Variants in ELAPOR1 observed in about 807,000 individuals in gnomAD.
ELAPOR1 encodes endosome-lysosome associated apoptosis and autophagy regulator 1.
ELAPOR1 carries 77 observed loss-of-function variants against 119.7 expected under a neutral mutation model. The observed-to-expected ratio is 0.64, with a 90% CI of 0.54 to 0.78. ELAPOR1 has a LOEUF of 0.78. Among genes scored for constraint, ELAPOR1 ranks in the 30% least tolerant of loss-of-function variants. The pLI is 0.00. For missense variants in ELAPOR1, 1,115 were observed against 1,270.4 expected, an observed-to-expected ratio of 0.88 and a Z score of 1.86; for synonymous variants, 481 against 487.2, an observed-to-expected ratio of 0.99 and a Z score of 0.17.
chr1:109,156,509 C>A (rs999446614), intron 1 of ELAPOR1, among the ~76,000 whole-genome samples: 2 of 150,286 alleles, frequency 1.3e-5, no homozygotes, highest in African/African-American at 5.0e-5. Context: ...CCTCTAGCCC[C>A]TGACAGACAC....
chr1:109,189,221 C>T (rs1653270391), intron 10 of ELAPOR1, 27 bp downstream of exon 10: 3 of 1,608,070 alleles, frequency 1.9e-6, no homozygotes, highest in Non-Finnish European at 1.7e-6. Context: ...GTGCCATGAG[C>T]TGTCAGCTCC....
rs1649668853 is a variant in ELAPOR1, at chr1:109,139,076, C to T, written c.154-22818C>T. On this transcript the variant is annotated intron_variant, in intron 1 of 21. Coordinates refer to ENST00000369939, the MANE Select transcript of ELAPOR1 (RefSeq NM_020775.5). ...CTACTAAAGTTACCTCGTGGCTGGG[C>T]GCGGTGGCTCATGACTGTAATCCCA... is the stretch of plus-strand genomic sequence containing the variant. 2.0e-5 allele frequency among the ~76,000 whole-genome samples: 3 copies of T among 152,044 alleles called. No homozygotes were observed. In the South Asian group the frequency reaches 6.2e-4, roughly 32 times the overall value.
rs1393509469 is a variant in ELAPOR1 at position 109,150,078 on chromosome 1, T to C, written c.154-11816T>C. On this transcript the variant is annotated intron_variant, in intron 1 of 21. Coordinates refer to ENST00000369939, the MANE Select transcript of ELAPOR1 (RefSeq NM_020775.5). ...TTTCCAAGAACCCTCATGCCAAGGT[T>C]CAGCCTAAAATAGACAGGCAGCTTA... Among the ~76,000 whole-genome samples, 6 of 152,196 alleles carry C rather than the reference T, an allele frequency of 3.9e-5. No individual in the cohort carries two copies. In the East Asian group the frequency reaches 1.2e-3, roughly 29 times the overall value.
intron 7 of ELAPOR1, among the ~76,000 whole-genome samples, chr1:109,179,480 T>TTATCTTCTTACAGTTTTGCCCA (rs1652566988): frequency 6.6e-6 from 1 of 151,600 alleles, no homozygotes; most frequent in African/African-American, 2.4e-5. Flanking sequence ...TAATTCAGCT[T>TTATCTTCTTACAGTTTTGCCCA]GGCTGGAGAT....
At chr1:109,155,474 G>A (rs911062999) in intron 1 of ELAPOR1, among the ~76,000 whole-genome samples, 4 of 152,172 alleles carry the variant, frequency 2.6e-5, no homozygotes, top group Non-Finnish European at 4.4e-5. Flanking sequence ...CACCAAGCCC[G>A]GCCGTGAACA....
Position 109,173,911 on chromosome 1 carries a change from T to G in ELAPOR1, c.952+74T>G, listed in dbSNP as rs77785116. 15,153 of 1,517,544 alleles carry G rather than the reference T, an allele frequency of 1.0e-2. 96 individuals are homozygous for G. The highest frequency in any genetic ancestry group is 0.011 in the Non-Finnish European group (12,732 of 1,107,574). 94.0% of individuals were successfully genotyped at this position (1,517,544 alleles called of 1,614,324 possible). On this transcript the variant is annotated intron_variant, in intron 7 of 21. Coordinates refer to ENST00000369939, the MANE Select transcript of ELAPOR1 (RefSeq NM_020775.5). ...AAACACACAAGGAGATACCAGGGAA[T>G]AGAGCCATCCTTCTGGCCAAGCTGA...
At chr1:109,135,226 A>G (rs1168259270) in intron 1 of ELAPOR1, among the ~76,000 whole-genome samples, 2 of 151,746 alleles carry the variant, frequency 1.3e-5, no homozygotes, top group African/African-American at 4.8e-5. Flanking sequence ...TCAGTGAGAG[A>G]GGCCTAAGAA....
At chr1:109,119,205 T>TA (rs1321472491) in intron 1 of ELAPOR1, among the ~76,000 whole-genome samples, 3 of 150,956 alleles carry the variant, frequency 2.0e-5, no homozygotes, top group African/African-American at 7.3e-5. Flanking sequence ...CCTAATTTTT[T>TA]TTTTTTTTTG....
chr1:109,204,311 CA>C lies in ELAPOR1; in HGVS notation c.*1301del, dbSNP rs1177547573. The C allele has an allele frequency of 6.6e-6, 1 of 152,236 alleles. No individual in the cohort carries two copies. Among genetic ancestry groups the C allele is most frequent in the African/African-American group, 2.4e-5 (1 of 41,464 alleles). 9.4% of individuals were successfully genotyped at this position (152,236 alleles called of 1,614,324 possible). ...ACTGAAGCCAAAGGAATAAGTTCAT[CA>C]AGAAAATGCCCAAAGCCCTGGTGGA... is the stretch of plus-strand genomic sequence containing the variant. On this transcript the variant is annotated 3_prime_UTR_variant, in exon 22 of 22. Transcript: ENST00000369939.
Position 109,161,651 on chromosome 1 carries a change from A to G in ELAPOR1, c.154-243A>G, listed in dbSNP as rs896616229. 17 of 356,674 alleles carry G rather than the reference A, an allele frequency of 4.8e-5. No individual in the cohort carries two copies. In the Admixed American group the frequency reaches 5.1e-4, roughly 11 times the overall value. 22.1% of individuals were successfully genotyped at this position (356,674 alleles called of 1,614,324 possible). ...CATAAGGACACTACTTAAACATAAC[A>G]ACAAAGAGAGTCACACACAAAAATG... On this transcript the variant is annotated intron_variant, in intron 1 of 21. Transcript: ENST00000369939.
intron 3 of ELAPOR1, among the ~76,000 whole-genome samples, chr1:109,166,222 T>A (rs900233925): frequency 6.6e-6 from 1 of 152,074 alleles, no homozygotes; most frequent in African/African-American, 2.4e-5. Context: ...CTAATTTTTT[T>A]GTATTTTTTT....
At chr1:109,198,408 C>G (rs1213986322) in intron 17 of ELAPOR1, among the ~76,000 whole-genome samples, 165 bp from the exon 18 acceptor site, 1 of 152,220 alleles carries the variant, frequency 6.6e-6, no homozygotes, top group Admixed American at 6.5e-5. Context: ...GATCCCCACC[C>G]TTTCCACGTA....
chr1:109,136,524 G>A (rs112894069), intron 1 of ELAPOR1, among the ~76,000 whole-genome samples: 7,983 of 152,222 alleles, frequency 0.052, 669 homozygotes, highest in African/African-American at 0.18. Flanking sequence ...CACCCAGTCT[G>A]TGGCACTTTG....
chr1:109,165,828 C>T (rs1485644566), intron 3 of ELAPOR1, among the ~76,000 whole-genome samples: 3 of 150,820 alleles, frequency 2.0e-5, no homozygotes, highest in Non-Finnish European at 3.0e-5. Flanking sequence ...CGCCACAAGC[C>T]CCAGCTCCCA....
chr1:109,162,741 T>A (rs138630960), intron 2 of ELAPOR1, among the ~76,000 whole-genome samples: 3 of 152,362 alleles, frequency 2.0e-5, no homozygotes, highest in Admixed American at 1.3e-4. Flanking sequence ...GTTGAGTAAG[T>A]GAGCAAATAA....
Position 109,200,804 on chromosome 1 carries a change from C to T in ELAPOR1, c.2877C>T (p.Asp959=). The T allele has an allele frequency of 6.2e-7, 1 of 1,614,220 alleles. No individual in the cohort carries two copies. The highest frequency in any genetic ancestry group is 8.5e-7 in the Non-Finnish European group (1 of 1,180,032). Residue 959 remains aspartate, a synonymous_variant, in exon 21 of 22, where the codon GAC becomes GAT. Transcript: ENST00000369939. ...TLKDCDLPAA[D]SCAIMEGEDV... ...AGGACTGTGACCTGCCAGCAGCTGA[C>T]AGCTGCGCCATCATGGAAGGCGAGG...
chr1:109,183,398 A>AATG (rs1200753283), intron 7 of ELAPOR1, among the ~76,000 whole-genome samples: 1 of 151,982 alleles, frequency 6.6e-6, no homozygotes, highest in African/African-American at 2.4e-5. Context: ...ATGATGAAAT[A>AATG]ATGAAAAAAA....
At chr1:109,153,226 G>T (rs181053293) in intron 1 of ELAPOR1, among the ~76,000 whole-genome samples, 6 of 152,234 alleles carry the variant, frequency 3.9e-5, no homozygotes, top group Non-Finnish European at 7.3e-5. Context: ...AAGACTTAGG[G>T]ATGTCTGTTT....
chr1:109,178,046 G>C lies in ELAPOR1; in HGVS notation c.952+4209G>C, dbSNP rs1570693364. ...TTTTTTGAGATGGAGTTTCCCTCTT[G>C]TTGCCCAGGCTGGAGTGCAATGGCG... On this transcript the variant is annotated intron_variant, in intron 7 of 21. Coordinates refer to ENST00000369939, the MANE Select transcript of ELAPOR1 (RefSeq NM_020775.5). Among the ~76,000 whole-genome samples, 3 of 112,544 alleles carry C rather than the reference G, an allele frequency of 2.7e-5. 1 individual carries two copies. The highest frequency in any genetic ancestry group is 2.7e-4 in the South Asian group (1 of 3,676). The allele number at this position is 112,544 out of a possible 152,430, so 73.8% of individuals were successfully genotyped here. A position where few individuals can be genotyped will look rare whatever the true frequency, so the allele number is the denominator to read the frequency against.
Sources: gnomAD v4.1 joint callset for allele counts (sites outside exome capture counted in the v4.1 genomes callset) on GRCh38, gnomAD v4.1.1 for gene constraint, MANE v1.5 for transcripts, NCBI Gene and HGNC (gene_info 2026-07-23, HGNC 2026-07-21) for gene names.